Variants in RPTOR observed in about 807,000 individuals in gnomAD.
RPTOR encodes regulatory-associated protein of mTOR.
In RPTOR, 21 loss-of-function variants were observed where a neutral mutation model predicts 169.9. That is an observed-to-expected ratio of 0.12 (90% CI 0.09 to 0.18). The LOEUF (loss-of-function observed/expected upper bound fraction) is 0.18. Among genes scored for constraint, RPTOR ranks in the 10% least tolerant of loss-of-function variants. RPTOR has a pLI of 1.00. For synonymous variants in RPTOR, 732 were observed against 753.2 expected, an observed-to-expected ratio of 0.97 and a Z score of 0.46; for missense variants, 1,133 against 1,855.9, an observed-to-expected ratio of 0.61 and a Z score of 7.16.
At chr17:80,546,699 C>T (rs1457739311) in intron 1 of RPTOR, among the ~76,000 whole-genome samples, 1 of 152,104 alleles carries the variant, frequency 6.6e-6, no homozygotes, top group African/African-American at 2.4e-5. Context: ...TTTCTCTAGG[C>T]TTATGTATAT....
chr17:80,776,889 G>A (rs2066896802), intron 6 of RPTOR, among the ~76,000 whole-genome samples: 1 of 152,180 alleles, frequency 6.6e-6, no homozygotes, highest in Non-Finnish European at 1.5e-5. Context: ...GCCCCACAGT[G>A]TGACATCTGG....
intron 25 of RPTOR, 72 bp downstream of exon 25, chr17:80,940,673 C>A: frequency 1.5e-6 from 2 of 1,302,800 alleles, no homozygotes; most frequent in Non-Finnish European, 2.2e-6. Flanking sequence ...CCCCTGTGAG[C>A]AGGCCCCCCG....
At chr17:80,807,533 G>C (rs989815975) in intron 7 of RPTOR, among the ~76,000 whole-genome samples, 1 of 152,096 alleles carries the variant, frequency 6.6e-6, no homozygotes, top group African/African-American at 2.4e-5. Flanking sequence ...TGTATTTTTA[G>C]TACAGACAGG....
At chr17:80,907,165 T>C (rs2068554120) in intron 20 of RPTOR, among the ~76,000 whole-genome samples, 1 of 152,250 alleles carries the variant, frequency 6.6e-6, no homozygotes, top group Admixed American at 6.5e-5. Context: ...TGGCTTTCGA[T>C]GCTTCAGCTC....
intron 1 of RPTOR, among the ~76,000 whole-genome samples, chr17:80,561,376 T>C (rs917046567): frequency 3.3e-5 from 5 of 151,638 alleles, no homozygotes; most frequent in Non-Finnish European, 5.9e-5. Flanking sequence ...CCCAAAGTGC[T>C]GGGATTATAG....
chr17:80,918,326 C>G (rs533238877), intron 21 of RPTOR, among the ~76,000 whole-genome samples: 2 of 152,348 alleles, frequency 1.3e-5, no homozygotes, highest in Admixed American at 1.3e-4. Context: ...GATGCAGACT[C>G]CAGGCTCTGG....
At chr17:80,753,530 G>A (rs1008971447) in intron 5 of RPTOR, among the ~76,000 whole-genome samples, 1 of 150,870 alleles carries the variant, frequency 6.6e-6, no homozygotes, top group African/African-American at 2.4e-5. Context: ...CTACTCGGGA[G>A]GCTGAGGCAG....
At chr17:80,895,639 A>G (rs1043124188) in intron 20 of RPTOR, among the ~76,000 whole-genome samples, 3 of 152,236 alleles carry the variant, frequency 2.0e-5, no homozygotes, top group Non-Finnish European at 4.4e-5. Flanking sequence ...ACCTTGCCTC[A>G]GAGTGAAGCT....
chr17:80,922,750 C>G lies in RPTOR; in HGVS notation c.2547C>G (p.Arg849=). ...YKATVNARPQ[R]VLDTSSLTQS... The stretch of plus-strand genomic sequence containing the variant: ...CCACCGTGAACGCCCGGCCGCAGCG[C>G]GTCCTGGACACCTCCTCCCTCACGC... Residue 849 remains arginine, a synonymous_variant, in exon 22 of 34, where the codon CGC becomes CGG. Transcript: ENST00000306801. 1 of 1,589,124 alleles carries G rather than the reference C, an allele frequency of 6.3e-7. No homozygotes were observed. The highest frequency in any genetic ancestry group is 8.5e-7 in the Non-Finnish European group (1 of 1,171,634).
intron 3 of RPTOR, among the ~76,000 whole-genome samples, chr17:80,692,374 C>T (rs552736294): frequency 5.3e-5 from 8 of 152,130 alleles, no homozygotes; most frequent in Admixed American, 2.0e-4. Flanking sequence ...CAGGCTGGAG[C>T]GCAGTGGCAT....
Position 80,908,869 on chromosome 17 carries a change from T to C in RPTOR, c.2460T>C (p.Ala820=). The change falls in exon 21 of 34, where the codon GCT becomes GCC. Residue 820 remains alanine, a synonymous_variant. Transcript: ENST00000306801. The part of the protein sequence containing the change: ...QIWRVLLHLA[A]DPYPEVSDVA... ...GGAGAGTCCTGCTGCACCTGGCTGC[T>C]GACCCCTATCCAGAGGTCTCGGACG... is the stretch of plus-strand genomic sequence containing the variant. 1 of 1,614,218 alleles carries C rather than the reference T, an allele frequency of 6.2e-7. No homozygotes were observed.
At chr17:80,908,997 A>C in intron 21 of RPTOR, 68 bp downstream of exon 21, 2 of 1,086,982 alleles carry the variant, frequency 1.8e-6, no homozygotes, top group South Asian at 1.3e-5. Context: ...CATGCCAGGA[A>C]CTCCAGGTGT....
chr17:80,684,467 A>G (rs2065921378), intron 3 of RPTOR, among the ~76,000 whole-genome samples: 1 of 149,884 alleles, frequency 6.7e-6, no homozygotes, highest in Non-Finnish European at 1.5e-5. Flanking sequence ...TTCTGGAGGC[A>G]TAGTCTCGCT....
Position 80,824,907 on chromosome 17 carries a change from G to A in RPTOR, c.1136+1684G>A, listed in dbSNP as rs917970227. Among the ~76,000 whole-genome samples, 10 of 152,260 alleles carry A rather than the reference G, an allele frequency of 6.6e-5. No homozygotes were observed. The East Asian group carries it at 7.7e-4, about 12-fold the overall frequency. On this transcript the variant is annotated intron_variant, in intron 9 of 33. Transcript: ENST00000306801. Reference sequence around the variant, plus strand: ...GAGGAGCCAGGAGGGATGAGCAGGCGAGGACAGGTGCAGGGAGGGGCATGT... The same window carrying A: ...GAGGAGCCAGGAGGGATGAGCAGGCAAGGACAGGTGCAGGGAGGGGCATGT...
chr17:80,607,033 C>G (rs1462781145), intron 1 of RPTOR, among the ~76,000 whole-genome samples: 1 of 152,174 alleles, frequency 6.6e-6, no homozygotes, highest in African/African-American at 2.4e-5. Context: ...GGCGCCCACA[C>G]ATTACTTCTT....
chr17:80,634,866 GTGCATAC>G (rs2065493060), intron 2 of RPTOR, among the ~76,000 whole-genome samples: 1 of 75,046 alleles, frequency 1.3e-5, no homozygotes, highest in African/African-American at 4.9e-5. Context: ...CCGTGTGTGT[GTGCATAC>G]TGTGTGCATA....
chr17:80,620,409 C>T (rs2065345806), intron 1 of RPTOR, among the ~76,000 whole-genome samples: 1 of 152,052 alleles, frequency 6.6e-6, no homozygotes. Context: ...AACGAGGTTG[C>T]CATAGAAATG....
chr17:80,908,406 G>A (rs2068571135), intron 20 of RPTOR, among the ~76,000 whole-genome samples: 1 of 152,196 alleles, frequency 6.6e-6, no homozygotes, highest in Non-Finnish European at 1.5e-5. Context: ...AGCACGTGCT[G>A]AACTTGGTGC....
At chr17:80,604,932 CT>C (rs35612700) in intron 1 of RPTOR, among the ~76,000 whole-genome samples, 27,440 of 149,044 alleles carry the variant, frequency 0.18, 2,897 homozygotes, top group East Asian at 0.27. Flanking sequence ...TTTTTTTCCC[CT>C]TTTTTTTTTG....
Sources: allele counts gnomAD v4.1 joint callset (sites outside exome capture counted in the v4.1 genomes callset), GRCh38; gene constraint gnomAD v4.1.1; transcripts MANE v1.5; gene names NCBI Gene and HGNC (gene_info 2026-07-23, HGNC 2026-07-21).